The following DKK2 variants were observed in gnomAD, a reference collection of about 807,000 sequenced individuals.
DKK2 encodes the protein dickkopf Wnt signaling pathway inhibitor 2, also known as dickkopf-related protein 2.
In DKK2, 11 loss-of-function variants were observed where a neutral mutation model predicts 28.1. The observed-to-expected ratio is 0.39, with a 90% CI of 0.25 to 0.65. The LOEUF (loss-of-function observed/expected upper bound fraction) is 0.65, where lower values mean the gene tolerates loss of function less well. Among genes scored for constraint, DKK2 ranks in the 30% least tolerant of loss-of-function variants. The pLI, the probability that DKK2 is intolerant of heterozygous loss-of-function variation, is 0.47. For synonymous variants in DKK2, 135 were observed against 126.5 expected (o/e 1.07, Z -0.45); for missense variants, 326 against 335.5 (o/e 0.97, Z 0.22).
intron 1 of DKK2, among the ~76,000 whole-genome samples, chr4:106,932,522 G>C (rs943699357): frequency 6.6e-6 from 1 of 152,072 alleles, no homozygotes; most frequent in South Asian, 2.1e-4. Context: ...TTTTCCATAT[G>C]GTCTCAGCTC....
At chr4:106,953,530 C>A (rs1484170799) in intron 1 of DKK2, among the ~76,000 whole-genome samples, 1 of 152,102 alleles carries the variant, frequency 6.6e-6, no homozygotes, top group Admixed American at 6.6e-5. Context: ...GGATCAATTC[C>A]ATTTTGACAG....
chr4:106,938,296 G>A (rs1280419883), intron 1 of DKK2, among the ~76,000 whole-genome samples: 6 of 152,030 alleles, frequency 3.9e-5, no homozygotes, highest in East Asian at 1.9e-4. Flanking sequence ...TATCACCACC[G>A]ATCCAACAGA....
At chr4:106,930,769 C>T (rs762210653) in intron 1 of DKK2, among the ~76,000 whole-genome samples, 1 of 151,974 alleles carries the variant, frequency 6.6e-6, no homozygotes, top group African/African-American at 2.4e-5. Context: ...CTGCAGGGGA[C>T]GACCCAGCTG....
chr4:106,961,554 G>A (rs539197552), intron 1 of DKK2, among the ~76,000 whole-genome samples: 2 of 135,100 alleles, frequency 1.5e-5, no homozygotes, highest in African/African-American at 5.3e-5. Context: ...ATTTGCAGCC[G>A]CCAACAGCCT....
intron 1 of DKK2, among the ~76,000 whole-genome samples, chr4:106,964,788 A>G (rs1722742950): frequency 6.6e-6 from 1 of 152,122 alleles, no homozygotes; most frequent in African/African-American, 2.4e-5. Flanking sequence ...TTTCCCAGAG[A>G]AGTAGAAATT....
At chr4:106,991,161 T>A (rs973161114) in intron 1 of DKK2, among the ~76,000 whole-genome samples, 1 of 152,216 alleles carries the variant, frequency 6.6e-6, no homozygotes, top group Non-Finnish European at 1.5e-5. Flanking sequence ...ATAATGTAAT[T>A]ATTCAGTATA....
intron 1 of DKK2, among the ~76,000 whole-genome samples, chr4:106,966,796 A>G (rs766161144): frequency 2.0e-5 from 3 of 152,134 alleles, no homozygotes; most frequent in Non-Finnish European, 4.4e-5. Context: ...CATATTTGAA[A>G]CCAACAGATC....
chr4:106,967,696 A>G (rs1722803334), intron 1 of DKK2, among the ~76,000 whole-genome samples: 1 of 151,942 alleles, frequency 6.6e-6, no homozygotes, highest in Non-Finnish European at 1.5e-5. Context: ...ATAGCTGATA[A>G]ATATTTGTTA....
chr4:106,982,308 A>C (rs1055601991), intron 1 of DKK2, among the ~76,000 whole-genome samples: 4 of 152,130 alleles, frequency 2.6e-5, no homozygotes, highest in African/African-American at 9.7e-5. Context: ...GAAAAGAGAG[A>C]GGGGGAAGAA....
intron 1 of DKK2, among the ~76,000 whole-genome samples, chr4:107,031,905 C>A (rs1430967560): frequency 6.6e-6 from 1 of 151,718 alleles, no homozygotes; most frequent in Non-Finnish European, 1.5e-5. Context: ...GAGATAGTAT[C>A]GAGAAATGGC....
rs537072505 is a variant in DKK2, at chr4:106,949,570, A to T, written c.223-23621T>A. On this transcript the variant is annotated intron_variant, in intron 1 of 3. Coordinates refer to ENST00000285311, the MANE Select transcript of DKK2 (RefSeq NM_014421.3). ...TTTGTAGTCAAAGTCACTGACTGAG[A>T]GGCAGAATTTTAAGTTCAAGTCCTG... Among the ~76,000 whole-genome samples the T allele has an allele frequency of 7.9e-5, 12 of 152,310 alleles. No individual in the cohort carries two copies. In the East Asian group the frequency reaches 1.5e-3, roughly 20 times the overall value.
chr4:106,925,690 G>C (rs1724414611), intron 2 of DKK2, 109 bp downstream of exon 2: 2 of 1,400,136 alleles, frequency 1.4e-6, no homozygotes, highest in Admixed American at 2.4e-5. Flanking sequence ...GTTCTACCAG[G>C]CTTCTTATAT....
intron 1 of DKK2, among the ~76,000 whole-genome samples, chr4:107,018,895 C>A (rs2110372383): frequency 6.6e-6 from 1 of 152,172 alleles, no homozygotes; most frequent in East Asian, 1.9e-4. Flanking sequence ...TTCCTGCCAA[C>A]TATCTTTAAG....
chr4:107,015,347 G>C (rs903268258), intron 1 of DKK2, among the ~76,000 whole-genome samples: 2 of 151,400 alleles, frequency 1.3e-5, no homozygotes, highest in Non-Finnish European at 3.0e-5. Context: ...CCATTATTTT[G>C]CTTTTCTGTC....
At chr4:106,985,626 T>C (rs930851822) in intron 1 of DKK2, among the ~76,000 whole-genome samples, 1 of 151,408 alleles carries the variant, frequency 6.6e-6, no homozygotes, top group Non-Finnish European at 1.5e-5. Flanking sequence ...CTGGCCAACA[T>C]GGTGAGACCT....
At chr4:106,951,377 T>G (rs1724856842) in intron 1 of DKK2, among the ~76,000 whole-genome samples, 1 of 152,142 alleles carries the variant, frequency 6.6e-6, no homozygotes, top group Non-Finnish European at 1.5e-5. Flanking sequence ...AAAGGATACC[T>G]ACATTCACAT....
intron 1 of DKK2, among the ~76,000 whole-genome samples, chr4:107,034,852 T>C (rs1723937908): frequency 6.6e-6 from 1 of 152,190 alleles, no homozygotes; most frequent in African/African-American, 2.4e-5. Flanking sequence ...AATCCCTCTC[T>C]GCCACTTATA....
rs1319419327 is a variant in DKK2, at chr4:107,035,565, A to G, written c.27T>C (p.Asp9=). 1 of 1,614,142 alleles carries G rather than the reference A, an allele frequency of 6.2e-7. No individual in the cohort carries two copies. The highest frequency in any genetic ancestry group is 1.1e-5 in the South Asian group (1 of 91,086). ...CCAGTAGGAGCAGGCAGCAGGACGA[A>G]TCCTTGCTCCGCATCAACGCGGCCA... MAALMRSK[D]SSCCLLLLAA... Residue 9 remains aspartate (D), a synonymous_variant, in exon 1 of 4, where the codon GAT becomes GAC. Transcript: ENST00000285311.
chr4:107,022,469 A>G (rs1002541793), intron 1 of DKK2, among the ~76,000 whole-genome samples: 1 of 152,148 alleles, frequency 6.6e-6, no homozygotes, highest in Non-Finnish European at 1.5e-5. Flanking sequence ...TAGGTTAAGT[A>G]TACAGACTTA....
Sources: allele counts gnomAD v4.1 joint callset (sites outside exome capture counted in the v4.1 genomes callset), GRCh38; gene constraint gnomAD v4.1.1; transcripts MANE v1.5; gene names NCBI Gene and HGNC (gene_info 2026-07-23, HGNC 2026-07-21).